TRPC7: variants seen among roughly 807,000 people sequenced by gnomAD.
TRPC7 encodes the protein short transient receptor potential channel 7.
A neutral mutation model predicts 90.1 loss-of-function variants in TRPC7; 42 were observed. The ratio of observed to expected loss-of-function variants is 0.47; its 90% CI spans 0.36 to 0.60. TRPC7 has a LOEUF of 0.60. TRPC7 is among the 20% of genes least tolerant of loss of function. TRPC7 has a pLI of 0.00. For missense variants in TRPC7, 955 were observed against 1,112.3 expected, an observed-to-expected ratio of 0.86 and a Z score of 2.01; for synonymous variants, 451 against 436.3, an observed-to-expected ratio of 1.03 and a Z score of -0.42.
At chr5:136,222,059 C>T (rs1755478597) in intron 10 of TRPC7, 1 of 152,030 alleles carries the variant, frequency 6.6e-6, no homozygotes, top group Non-Finnish European at 1.5e-5. Flanking sequence ...TGGTTTTGTT[C>T]CATTGTTTGG....
At chr5:136,292,144 T>G (rs1373000185) in intron 3 of TRPC7, among the ~76,000 whole-genome samples, 1 of 152,166 alleles carries the variant, frequency 6.6e-6, no homozygotes, top group African/African-American at 2.4e-5. Context: ...TTCAAAGCAG[T>G]GTGTAGAGGG....
At chr5:136,352,106 A>T (rs1760211399) in intron 2 of TRPC7, among the ~76,000 whole-genome samples, 1 of 152,202 alleles carries the variant, frequency 6.6e-6, no homozygotes, top group African/African-American at 2.4e-5. Context: ...AAATAACTGC[A>T]ATACGGTGTT....
chr5:136,279,245 G>A (rs375593710), intron 3 of TRPC7, among the ~76,000 whole-genome samples: 7 of 152,234 alleles, frequency 4.6e-5, no homozygotes, highest in Admixed American at 2.0e-4. Context: ...GACCTTAATT[G>A]TTGGGTTGCT....
chr5:136,335,268 G>A (rs770669798), intron 2 of TRPC7, among the ~76,000 whole-genome samples: 6 of 152,024 alleles, frequency 3.9e-5, no homozygotes, highest in South Asian at 4.1e-4. Flanking sequence ...ACCCTGGTAA[G>A]TCCTGCAGAC....
chr5:136,287,068 C>T (rs1034368662), intron 3 of TRPC7, among the ~76,000 whole-genome samples: 13 of 152,126 alleles, frequency 8.5e-5, no homozygotes, highest in East Asian at 1.9e-4. Flanking sequence ...GTCCAGATGC[C>T]GCCTACCGCT....
intron 5 of TRPC7, among the ~76,000 whole-genome samples, chr5:136,256,167 C>T (rs1756679571): frequency 6.6e-6 from 1 of 152,168 alleles, no homozygotes; most frequent in Non-Finnish European, 1.5e-5. Context: ...AGTCCCTCGG[C>T]CCTGTTCATC....
In TRPC7 at chr5:136,247,435, A is replaced by G. The variant is rs1259268664; in HGVS notation, c.1844+36T>C. On this transcript the variant is annotated intron_variant, in intron 7 of 11. Coordinates refer to ENST00000513104, the MANE Select transcript of TRPC7 (RefSeq NM_020389.3). This position sits in a 1 kb window ranked among gnomAD's most constrained non-coding sequence, Gnocchi z 4.2. ...ACTCCCAAGGATTCCCAGGAAGCCC[A>G]GGGAGAACCTCAGGGGAAAGCTCTC... is the stretch of plus-strand genomic sequence containing the variant. 1 of 1,570,464 alleles carries G rather than the reference A, an allele frequency of 6.4e-7. No homozygotes were observed. Among genetic ancestry groups the G allele is most frequent in the Non-Finnish European group, 8.6e-7 (1 of 1,156,212 alleles).
intron 4 of TRPC7, among the ~76,000 whole-genome samples, chr5:136,272,592 C>T (rs1320678052): frequency 6.6e-6 from 1 of 152,150 alleles, no homozygotes; most frequent in Admixed American, 6.5e-5. Flanking sequence ...CTGCACTGAG[C>T]TCAGACTTGG....
intron 2 of TRPC7, among the ~76,000 whole-genome samples, chr5:136,333,551 T>C (rs1342885969): frequency 6.6e-6 from 1 of 152,232 alleles, no homozygotes; most frequent in Non-Finnish European, 1.5e-5. Context: ...CTGATTTATA[T>C]TGACATGCTG....
intron 4 of TRPC7, among the ~76,000 whole-genome samples, chr5:136,268,644 T>A (rs1463289881): frequency 6.6e-6 from 1 of 152,214 alleles, no homozygotes; most frequent in Non-Finnish European, 1.5e-5. Context: ...TTTTGTTACC[T>A]CCTTCAAGCT....
intron 1 of TRPC7, among the ~76,000 whole-genome samples, chr5:136,360,208 G>A (rs1052186016): frequency 3.3e-5 from 5 of 152,138 alleles, no homozygotes; most frequent in Admixed American, 6.5e-5. Flanking sequence ...TAAATTCAGA[G>A]TCCCTGTGAA....
At chr5:136,243,685 TAAC>T (rs1207503752) in intron 7 of TRPC7, among the ~76,000 whole-genome samples, 5 of 151,816 alleles carry the variant, frequency 3.3e-5, no homozygotes, top group Non-Finnish European at 7.4e-5. Context: ...TTTTTTTAAT[TAAC>T]AAAGAAGATC....
Position 136,231,530 on chromosome 5 carries a change from T to C in TRPC7, c.1864A>G (p.Thr622Ala), listed in dbSNP as rs1446160805. 3.8e-6 allele frequency: 6 copies of C among 1,598,258 alleles called. No homozygotes were observed. Among genetic ancestry groups the C allele is most frequent in the Non-Finnish European group, 5.1e-6 (6 of 1,168,718 alleles). ...AFTTVEESFKTLFWSIFGLSE... is the reference protein window; with the variant it reads ...AFTTVEESFKALFWSIFGLSE... ...AAGCCGAATATGGACCAAAACAAAG[T>C]TTTAAAACTTTCTTCAACCCTGCAA... The change falls in exon 8 of 12, where the codon ACT (threonine) becomes GCT (alanine). Residue 622 changes from threonine (T) to alanine (A), a missense_variant. Physicochemically the swap from Thr to Ala is moderately conservative, Grantham distance 58. This residue lies in a region of TRPC7 where 296 missense variants were observed against 422.7 expected (regional missense o/e 0.70). Coordinates refer to ENST00000513104, the MANE Select transcript of TRPC7 (RefSeq NM_020389.3).
chr5:136,289,330 C>T (rs775699020), intron 3 of TRPC7, among the ~76,000 whole-genome samples: 23 of 152,290 alleles, frequency 1.5e-4, no homozygotes, highest in Admixed American at 2.6e-4. Context: ...ATGCGTGAGC[C>T]GAAGCAGGGC....
At chr5:136,293,893 C>T (rs1758058651) in intron 3 of TRPC7, among the ~76,000 whole-genome samples, 1 of 152,186 alleles carries the variant, frequency 6.6e-6, no homozygotes, top group South Asian at 2.1e-4. Flanking sequence ...TCAAACTATA[C>T]TACAAGCCTA....
intron 2 of TRPC7, among the ~76,000 whole-genome samples, chr5:136,346,102 G>A (rs530748667): frequency 7.4e-4 from 113 of 152,244 alleles, no homozygotes; most frequent in African/African-American, 2.6e-3. Flanking sequence ...TGGAGGGAGG[G>A]ACAGCATTAG....
At chr5:136,335,216 C>CGA (rs1759615790) in intron 2 of TRPC7, among the ~76,000 whole-genome samples, 1 of 152,112 alleles carries the variant, frequency 6.6e-6, no homozygotes, top group Non-Finnish European at 1.5e-5. Context: ...CAACCTCAAA[C>CGA]TGTATTCTAA....
At chr5:136,283,338 C>G (rs997903154) in intron 3 of TRPC7, among the ~76,000 whole-genome samples, 1 of 152,182 alleles carries the variant, frequency 6.6e-6, no homozygotes, top group Non-Finnish European at 1.5e-5. Context: ...CTCTAGATGT[C>G]CATCTATTTT....
chr5:136,329,361 C>T (rs1759432089), intron 2 of TRPC7, among the ~76,000 whole-genome samples: 1 of 152,162 alleles, frequency 6.6e-6, no homozygotes, highest in Admixed American at 6.5e-5. Context: ...AGCCCTTGCT[C>T]TGAAGGGTCT....
Sources: gnomAD v4.1 joint callset for allele counts (sites outside exome capture counted in the v4.1 genomes callset) on GRCh38, gnomAD v4.1.1 for gene constraint, gnomAD v4.1.1 regional missense constraint, Gnocchi (gnomAD v3.1) non-coding constraint, MANE v1.5 for transcripts, NCBI Gene and HGNC (gene_info 2026-07-23, HGNC 2026-07-21) for gene names.